Variants in VIRMA observed in about 807,000 individuals in gnomAD.
The protein encoded by VIRMA is protein virilizer homolog.
VIRMA carries 65 observed loss-of-function variants against 182.4 expected under a neutral mutation model. The ratio of observed to expected loss-of-function variants is 0.36; its 90% CI spans 0.29 to 0.44. The LOEUF is 0.44. Among genes scored for constraint, VIRMA ranks in the 20% least tolerant of loss-of-function variants. The pLI is 1.00. For synonymous variants in VIRMA, 709 were observed against 743.1 expected, an observed-to-expected ratio of 0.95 and a Z score of 0.75; for missense variants, 1,752 against 2,158.1, an observed-to-expected ratio of 0.81 and a Z score of 3.73.
chr8:94,495,939 T>C, intron 18 of VIRMA, 48 bp from the exon 19 acceptor site: 1 of 1,527,590 alleles, frequency 6.5e-7, no homozygotes, highest in Non-Finnish European at 8.9e-7. Flanking sequence ...AAAACTTATG[T>C]CTGTAAACCT....
In VIRMA at chr8:94,491,866, C is replaced by T; in HGVS notation, c.4852G>A (p.Val1618Met). The change falls in exon 22 of 24, where the codon GTG becomes ATG. Residue 1618 changes from valine to methionine, a missense_variant. Transcript: ENST00000297591. The stretch of plus-strand genomic sequence containing the variant: ...CTGCCCCTTCCTCTTGGTGGTGGCA[C>T]AACATGAGCTCTTTTGGCAGGTTCA... ...YIEPAKRAHV[V>M]PPPRGRGRGG... is the part of the protein sequence containing the mutation. 1.9e-6 allele frequency: 3 copies of T among 1,611,520 alleles called. No homozygotes were observed. The highest frequency in any genetic ancestry group is 2.5e-6 in the Non-Finnish European group (3 of 1,178,470).
At chr8:94,544,795 T>C (rs1010366780) in intron 1 of VIRMA, among the ~76,000 whole-genome samples, 1 of 152,134 alleles carries the variant, frequency 6.6e-6, no homozygotes, top group Non-Finnish European at 1.5e-5. Context: ...TTTTTGAGTT[T>C]CTGAATTATA....
At chr8:94,512,292 T>G (rs1814406993) in intron 11 of VIRMA, 1 of 267,232 alleles carries the variant, frequency 3.7e-6, no homozygotes. Flanking sequence ...TGGCATATGT[T>G]GTACTATATA....
rs1459664420 is a variant in VIRMA, at chr8:94,512,323, G to T, written c.2752-234C>A. 3 of 212,934 alleles carry T rather than the reference G, an allele frequency of 1.4e-5. No individual in the cohort carries two copies. In the East Asian group the frequency reaches 2.8e-4, roughly 20 times the overall value. The allele number at this position is 212,934 out of a possible 1,614,324, so 13.2% of individuals were successfully genotyped here. A position where few individuals can be genotyped will look rare whatever the true frequency, so the allele number is the denominator to read the frequency against. ...ATATACAATATTATGTAAATAAAAA[G>T]AACTGTAATGCACAAATTCACTGAA... On this transcript the variant is annotated intron_variant, in intron 11 of 23. Transcript: ENST00000297591.
In VIRMA at chr8:94,511,997, T is replaced by G; in HGVS notation, c.2844A>C (p.Glu948Asp). 1 of 1,516,774 alleles carries G rather than the reference T, an allele frequency of 6.6e-7. No homozygotes were observed. The highest frequency in any genetic ancestry group is 1.3e-5 in the South Asian group (1 of 74,204). 94.0% of individuals were successfully genotyped at this position (1,516,774 alleles called of 1,614,324 possible). Reference protein sequence around the residue: ...CNVACPPPPVEGQQKDLKWNL... With the variant: ...CNVACPPPPVDGQQKDLKWNL... ...TTTAAAATACAGTAGCCACATTACC[T>G]TCAACAGGAGGTGGTGGGCATGCAA... Residue 948 changes from glutamate (E) to aspartate (D), a missense_variant and splice_region_variant, in exon 12 of 24, where the codon GAA becomes GAC. This residue lies in a region of VIRMA where 777 missense variants were observed against 920.6 expected (regional missense o/e 0.84). Coordinates refer to ENST00000297591, the MANE Select transcript of VIRMA (RefSeq NM_015496.5).
At chr8:94,542,349 G>A (rs1432929500) in intron 2 of VIRMA, among the ~76,000 whole-genome samples, 1 of 152,158 alleles carries the variant, frequency 6.6e-6, no homozygotes, top group Non-Finnish European at 1.5e-5. Context: ...TCCTGGCAAA[G>A]AAGTGAAGCC....
intron 15 of VIRMA, among the ~76,000 whole-genome samples, chr8:94,509,433 C>T (rs1031248583): frequency 1.3e-5 from 2 of 150,724 alleles, no homozygotes; most frequent in Admixed American, 6.6e-5. Context: ...TGGTGTGTAA[C>T]GTAATTGGAA....
chr8:94,528,197 G>A (rs536165004), intron 7 of VIRMA, among the ~76,000 whole-genome samples: 1 of 144,650 alleles, frequency 6.9e-6, no homozygotes, highest in Admixed American at 7.1e-5. Flanking sequence ...GCACCACTGC[G>A]CTCCAGTCTG....
At chr8:94,501,457 A>ACAAAAAGACAAAAAG (rs1813984299) in intron 16 of VIRMA, among the ~76,000 whole-genome samples, 4 of 152,182 alleles carry the variant, frequency 2.6e-5, no homozygotes, top group African/African-American at 9.6e-5. Flanking sequence ...AAAGAACCAT[A>ACAAAAAGACAAAAAG]TACAACACTG....
chr8:94,512,953 T>C (rs1465373644), intron 11 of VIRMA, among the ~76,000 whole-genome samples: 3 of 152,212 alleles, frequency 2.0e-5, no homozygotes, highest in African/African-American at 7.2e-5. Flanking sequence ...CAATTGCCTA[T>C]GTCCTTAGCA....
intron 8 of VIRMA, 129 bp downstream of exon 8, chr8:94,526,094 G>GT (rs1814952130): frequency 4.3e-6 from 3 of 692,812 alleles, no homozygotes; most frequent in Non-Finnish European, 7.2e-6. Context: ...CTAAATAACC[G>GT]TTTTGAAATA....
At chr8:94,549,184 A>G (rs1474050309) in intron 1 of VIRMA, among the ~76,000 whole-genome samples, 1 of 152,242 alleles carries the variant, frequency 6.6e-6, no homozygotes, top group Non-Finnish European at 1.5e-5. Context: ...GGCCTTATAA[A>G]TGTGTATCAA....
chr8:94,509,990 A>G, intron 14 of VIRMA, 50 bp from the exon 15 acceptor site: 2 of 1,494,276 alleles, frequency 1.3e-6, no homozygotes, highest in Middle Eastern at 2.3e-4. Flanking sequence ...ACCTTAAGGC[A>G]TTGTTTAACT....
chr8:94,532,827 G>T (rs939569188), intron 5 of VIRMA, among the ~76,000 whole-genome samples: 1 of 152,022 alleles, frequency 6.6e-6, no homozygotes, highest in East Asian at 1.9e-4. Flanking sequence ...GGTGGAGGGT[G>T]GCACACGTCT....
chr8:94,551,254 T>C (rs1815977444), intron 1 of VIRMA, among the ~76,000 whole-genome samples: 1 of 152,196 alleles, frequency 6.6e-6, no homozygotes. Flanking sequence ...AAATGAAAAG[T>C]TATCTCTGCC....
At position 94,527,149 on chromosome 8, in the gene VIRMA, T is replaced by C. The variant is rs749644193; in HGVS notation, c.1095A>G (p.Arg365=). The change falls in exon 8 of 24, where the codon AGA becomes AGG. Residue 365 remains arginine, a synonymous_variant. Coordinates refer to ENST00000297591, the MANE Select transcript of VIRMA (RefSeq NM_015496.5). ...CTTTATCTGGACCTTGATCCTTCATTCTACTGATTTCAATTTCAAAAGTAG... is the reference window on the plus strand; with the variant it reads ...CTTTATCTGGACCTTGATCCTTCATCCTACTGATTTCAATTTCAAAAGTAG... ...YKTTFEIEIS[R]MKDQGPDKEN... 17 of 1,614,160 alleles carry C rather than the reference T, an allele frequency of 1.1e-5. No individual in the cohort carries two copies. The South Asian group carries it at 1.5e-4, about 15-fold the overall frequency.
chr8:94,490,159 A>C, intron 22 of VIRMA, 77 bp from the exon 23 acceptor site: 4 of 1,464,840 alleles, frequency 2.7e-6, no homozygotes, highest in Non-Finnish European at 3.7e-6. Flanking sequence ...GATTTTTCTT[A>C]ATCTTCAAAA....
Position 94,517,776 on chromosome 8 carries a change from T to C in VIRMA, c.2668+12A>G, listed in dbSNP as rs958048569. 7.7e-6 allele frequency: 12 copies of C among 1,566,726 alleles called. No homozygotes were observed. The highest frequency in any genetic ancestry group is 1.8e-5 in the Admixed American group (1 of 54,324). On this transcript the variant is annotated intron_variant, in intron 10 of 23. Coordinates refer to ENST00000297591, the MANE Select transcript of VIRMA (RefSeq NM_015496.5). ...ATATTACAAATGCTTAAAATAACTT[T>C]AAGTACCATACCTTGCAATTTAGCA...
chr8:94,541,808 C>A (rs1214741494), intron 2 of VIRMA, among the ~76,000 whole-genome samples: 3 of 152,154 alleles, frequency 2.0e-5, no homozygotes, highest in African/African-American at 7.2e-5. Flanking sequence ...TCCCATAGTG[C>A]TAGGATTACA....
Sources: gnomAD v4.1 joint callset for allele counts (sites outside exome capture counted in the v4.1 genomes callset) on GRCh38, gnomAD v4.1.1 for gene constraint, gnomAD v4.1.1 regional missense constraint, MANE v1.5 for transcripts, NCBI Gene and HGNC (gene_info 2026-07-23, HGNC 2026-07-21) for gene names.